Variants in ACVR1B observed in about 807,000 individuals in gnomAD.
The protein encoded by ACVR1B is activin A receptor type 1B.
A neutral mutation model predicts 55.6 loss-of-function variants in ACVR1B; 15 were observed. The observed-to-expected ratio is 0.27, with a 90% CI of 0.18 to 0.42. ACVR1B has a LOEUF of 0.42. ACVR1B is among the 10% of genes least tolerant of loss of function. The pLI is 1.00. For synonymous variants in ACVR1B, 247 were observed against 254.6 expected, an observed-to-expected ratio of 0.97 and a Z score of 0.28; for missense variants, 359 against 670.1, an observed-to-expected ratio of 0.54 and a Z score of 5.13.
At chr12:51,981,862 G>GA (rs1023201031) in intron 4 of ACVR1B, among the ~76,000 whole-genome samples, 3 of 144,970 alleles carry the variant, frequency 2.1e-5, no homozygotes, top group Non-Finnish European at 3.0e-5. Context: ...AAAAAAAAAA[G>GA]AAAAAAAAAA....
rs1942299469 is a variant in ACVR1B at position 51,996,478 on chromosome 12, G to C, written c.*2368G>C. 1 of 152,566 alleles carries C rather than the reference G, an allele frequency of 6.6e-6. No individual in the cohort carries two copies. The highest frequency in any genetic ancestry group is 2.1e-4 in the South Asian group (1 of 4,836). The allele number at this position is 152,566 out of a possible 1,614,324, so 9.5% of individuals were successfully genotyped here. ...TTTAAATACCATTGTGTCATTGGGG[G>C]GACCGTCTTTACCCCTGCTGACCTC... On this transcript the variant is annotated 3_prime_UTR_variant, in exon 9 of 9. Transcript: ENST00000257963.
At chr12:51,981,857 AAAAAG>A (rs1328854758) in intron 4 of ACVR1B, among the ~76,000 whole-genome samples, 2 of 152,128 alleles carry the variant, frequency 1.3e-5, no homozygotes, top group Non-Finnish European at 2.9e-5. Context: ...TCAAAAAAAA[AAAAAG>A]AAAAAAAAAA....
At chr12:51,951,899 C>A (rs1941304100) in intron 1 of ACVR1B, 65 bp downstream of exon 1, 2 of 1,050,210 alleles carry the variant, frequency 1.9e-6, no homozygotes, top group Non-Finnish European at 2.4e-6. Context: ...AGGCCTCGAG[C>A]CGCGGCCGCT....
chr12:51,966,499 A>G lies in ACVR1B; in HGVS notation c.92-8766A>G, dbSNP rs1439823262. Among the ~76,000 whole-genome samples, 3 of 152,180 alleles carry G rather than the reference A, an allele frequency of 2.0e-5. No individual in the cohort carries two copies. The East Asian group carries it at 5.8e-4, about 29-fold the overall frequency. Reference sequence around the variant, plus strand: ...AGTCTAGCTCTGTCACCCAGGCTGGAGTGCAGTGATGGAGTCACAGCTCAC... The same window carrying G: ...AGTCTAGCTCTGTCACCCAGGCTGGGGTGCAGTGATGGAGTCACAGCTCAC... On this transcript the variant is annotated intron_variant, in intron 1 of 8. Coordinates refer to ENST00000257963, the MANE Select transcript of ACVR1B (RefSeq NM_004302.5).
chr12:51,969,446 TG>T (rs1435798769), intron 1 of ACVR1B, among the ~76,000 whole-genome samples: 75 of 152,298 alleles, frequency 4.9e-4, no homozygotes, highest in African/African-American at 1.8e-3. Context: ...CTCCTATATG[TG>T]TAAAGAGATT....
chr12:51,964,662 G>C (rs1205542201), intron 1 of ACVR1B, among the ~76,000 whole-genome samples: 2 of 152,194 alleles, frequency 1.3e-5, no homozygotes, highest in African/African-American at 4.8e-5. Flanking sequence ...GTAAGGGTCT[G>C]ACTTCATTCT....
chr12:51,974,031 A>T (rs1304319820), intron 1 of ACVR1B, among the ~76,000 whole-genome samples: 7 of 152,228 alleles, frequency 4.6e-5, no homozygotes, highest in Admixed American at 4.6e-4. Flanking sequence ...TTGGTGAGTT[A>T]TGACAGGGTG....
In ACVR1B at chr12:51,978,851, G is replaced by A. The variant is rs1458929838; in HGVS notation, c.581-2118G>A. ...TCTCAAAAAAAAAAAAAAAAAAAAGGCTGACCCAGGATTGGATCAGAGAGA... is the reference window on the plus strand; with the variant it reads ...TCTCAAAAAAAAAAAAAAAAAAAAGACTGACCCAGGATTGGATCAGAGAGA... On this transcript the variant is annotated intron_variant, in intron 3 of 8. Transcript: ENST00000257963. 2.1e-5 allele frequency among the ~76,000 whole-genome samples: 3 copies of A among 145,310 alleles called. 1 individual carries two copies. In the Middle Eastern group the frequency reaches 0.011, roughly 519 times the overall value.
At chr12:51,985,887 G>C (rs966708687) in intron 6 of ACVR1B, among the ~76,000 whole-genome samples, 1 of 152,086 alleles carries the variant, frequency 6.6e-6, no homozygotes, top group Admixed American at 6.5e-5. Flanking sequence ...GTTGGAAATG[G>C]GACTGCCTTT....
At chr12:51,977,783 A>ATTTTTT (rs748536892) in intron 3 of ACVR1B, among the ~76,000 whole-genome samples, 1 of 103,316 alleles carries the variant, frequency 9.7e-6, no homozygotes, top group Non-Finnish European at 2.0e-5. Flanking sequence ...AAGCCTGGCA[A>ATTTTTT]TTTTTTTTTT....
intron 3 of ACVR1B, among the ~76,000 whole-genome samples, chr12:51,978,474 A>G (rs1054763717): frequency 3.9e-5 from 6 of 152,322 alleles, no homozygotes; most frequent in African/African-American, 1.2e-4. Flanking sequence ...ATGACTTTCA[A>G]TTCATTTAAA....
At chr12:51,956,358 G>A (rs1038398569) in intron 1 of ACVR1B, among the ~76,000 whole-genome samples, 1 of 152,166 alleles carries the variant, frequency 6.6e-6, no homozygotes, top group African/African-American at 2.4e-5. Flanking sequence ...CATTGGATTG[G>A]GTATGTGCCT....
chr12:51,972,654 A>C (rs2120571314), intron 1 of ACVR1B, among the ~76,000 whole-genome samples: 1 of 152,340 alleles, frequency 6.6e-6, no homozygotes, highest in South Asian at 2.1e-4. Context: ...TTAATATTAA[A>C]GCTGGCATTT....
chr12:51,989,640 G>A (rs1942150696), intron 7 of ACVR1B, among the ~76,000 whole-genome samples: 2 of 152,102 alleles, frequency 1.3e-5, no homozygotes, highest in Non-Finnish European at 2.9e-5. Context: ...TAAGTTTGTA[G>A]TTCTTAAAGA....
intron 7 of ACVR1B, among the ~76,000 whole-genome samples, chr12:51,989,563 G>A (rs1942149492): frequency 6.6e-6 from 1 of 152,130 alleles, no homozygotes. Context: ...AGGATTATAA[G>A]CGTGAGCCAC....
chr12:51,991,174 C>G (rs925663072), intron 7 of ACVR1B, among the ~76,000 whole-genome samples: 1 of 152,186 alleles, frequency 6.6e-6, no homozygotes, highest in Non-Finnish European at 1.5e-5. Flanking sequence ...TGAGGTGGTT[C>G]TGTAGCCTCC....
In ACVR1B at chr12:51,987,066, C is replaced by T. The variant is rs754060251; in HGVS notation, c.1261+124C>T. 1.9e-5 allele frequency: 26 copies of T among 1,351,156 alleles called. No homozygotes were observed. The South Asian group carries it at 2.3e-4, about 12-fold the overall frequency. 83.7% of individuals were successfully genotyped at this position (1,351,156 alleles called of 1,614,324 possible). A position where few individuals can be genotyped will look rare whatever the true frequency, so the allele number is the denominator to read the frequency against. On this transcript the variant is annotated intron_variant, in intron 7 of 8. Coordinates refer to ENST00000257963, the MANE Select transcript of ACVR1B (RefSeq NM_004302.5). Reference sequence around the variant, plus strand: ...TGCCTGTTGCCAGAGCCTGAATCATCGTTTAAGGTTGCCATCAAAGGTGTG... The same window carrying T: ...TGCCTGTTGCCAGAGCCTGAATCATTGTTTAAGGTTGCCATCAAAGGTGTG...
intron 1 of ACVR1B, among the ~76,000 whole-genome samples, chr12:51,960,370 C>T (rs1381824752): frequency 1.3e-5 from 2 of 151,992 alleles, no homozygotes; most frequent in East Asian, 3.9e-4. Flanking sequence ...TACAGCAAAC[C>T]ATGATTGCAC....
intron 1 of ACVR1B, among the ~76,000 whole-genome samples, chr12:51,967,481 C>A (rs916842427): frequency 6.6e-6 from 1 of 152,126 alleles, no homozygotes; most frequent in African/African-American, 2.4e-5. Context: ...ATCGCTTGAA[C>A]CCAGGAGGCA....
Sources: allele counts gnomAD v4.1 joint callset (sites outside exome capture counted in the v4.1 genomes callset), GRCh38; gene constraint gnomAD v4.1.1; transcripts MANE v1.5; gene names NCBI Gene and HGNC (gene_info 2026-07-23, HGNC 2026-07-21).